CNTN5: variants seen among roughly 807,000 people sequenced by gnomAD.
CNTN5 encodes the protein contactin-5.
CNTN5 carries 77 observed loss-of-function variants against 129.1 expected under a neutral mutation model. The ratio of observed to expected loss-of-function variants is 0.60; its 90% CI spans 0.50 to 0.72. The LOEUF (loss-of-function observed/expected upper bound fraction) is 0.72. CNTN5 is among the 30% of genes least tolerant of loss of function. The pLI, the probability that CNTN5 is intolerant of heterozygous loss-of-function variation, is 0.00. For synonymous variants in CNTN5, 509 were observed against 465.6 expected (o/e 1.09, Z -1.20); for missense variants, 1,478 against 1,328.8 (o/e 1.11, Z -1.75).
At chr11:99,023,746 A>G (rs1215970766) in intron 1 of CNTN5, among the ~76,000 whole-genome samples, 2 of 152,194 alleles carry the variant, frequency 1.3e-5, no homozygotes, top group African/African-American at 2.4e-5. Flanking sequence ...TTGATTACCT[A>G]TTGTCTTTGA....
At chr11:99,389,905 G>T (rs1196749265) in intron 2 of CNTN5, among the ~76,000 whole-genome samples, 3 of 152,150 alleles carry the variant, frequency 2.0e-5, no homozygotes, top group Non-Finnish European at 4.4e-5. Context: ...GAATGTGAAA[G>T]TGTGATTACT....
At chr11:99,393,289 A>T (rs1941357824) in intron 2 of CNTN5, among the ~76,000 whole-genome samples, 1 of 151,916 alleles carries the variant, frequency 6.6e-6, no homozygotes, top group South Asian at 2.1e-4. Flanking sequence ...GAGAAAAAGG[A>T]GTATGTTCAA....
chr11:100,277,672 AT>A (rs925086225), intron 18 of CNTN5, among the ~76,000 whole-genome samples: 5 of 151,020 alleles, frequency 3.3e-5, no homozygotes, highest in African/African-American at 4.9e-5. Context: ...GGTTTTTTTT[AT>A]TTTTTTTCCT....
At chr11:100,265,051 C>T (rs781513513) in intron 17 of CNTN5, among the ~76,000 whole-genome samples, 37 of 151,924 alleles carry the variant, frequency 2.4e-4, no homozygotes, top group Admixed American at 8.5e-4. Context: ...AGTGTTTGCT[C>T]ATATCCTTTG....
intron 13 of CNTN5, among the ~76,000 whole-genome samples, chr11:100,170,163 TTTAACA>T (rs1405066460): frequency 6.6e-6 from 1 of 152,002 alleles, no homozygotes; most frequent in Non-Finnish European, 1.5e-5. Context: ...AATAGCCACT[TTTAACA>T]TTTCTAATTC....
At chr11:99,063,474 A>G (rs1345882388) in intron 1 of CNTN5, among the ~76,000 whole-genome samples, 8 of 151,960 alleles carry the variant, frequency 5.3e-5, no homozygotes, top group Non-Finnish European at 1.0e-4. Flanking sequence ...AAATTGGAAG[A>G]ATACAAGTTT....
chr11:99,332,435 G>A (rs553057326), intron 2 of CNTN5, among the ~76,000 whole-genome samples: 14 of 152,120 alleles, frequency 9.2e-5, no homozygotes, highest in African/African-American at 3.1e-4. Flanking sequence ...TCTGTGCCCC[G>A]ATAATGTCTT....
intron 1 of CNTN5, among the ~76,000 whole-genome samples, chr11:99,086,799 T>C (rs766074593): frequency 1.4e-4 from 21 of 152,194 alleles, no homozygotes; most frequent in Non-Finnish European, 2.1e-4. Flanking sequence ...CTGATACTGG[T>C]CCAGCTAAAT....
At chr11:99,270,247 C>A (rs1032292574) in intron 1 of CNTN5, among the ~76,000 whole-genome samples, 1 of 151,842 alleles carries the variant, frequency 6.6e-6, no homozygotes. Flanking sequence ...AAGTAATTTT[C>A]AAAACCACAA....
chr11:99,619,071 G>GA (rs1161889090), intron 3 of CNTN5, among the ~76,000 whole-genome samples: 3 of 151,656 alleles, frequency 2.0e-5, no homozygotes, highest in Non-Finnish European at 4.4e-5. Flanking sequence ...TCACCAAATG[G>GA]AAAAAAAGGT....
chr11:100,314,984 C>G (rs505427), intron 21 of CNTN5, among the ~76,000 whole-genome samples: 88 of 152,088 alleles, frequency 5.8e-4, no homozygotes, highest in Non-Finnish European at 9.3e-4. Context: ...ACAATAAATA[C>G]AACTGAGTTC....
chr11:100,157,136 A>G (rs1041248963), intron 13 of CNTN5, among the ~76,000 whole-genome samples: 2 of 151,906 alleles, frequency 1.3e-5, no homozygotes, highest in Non-Finnish European at 2.9e-5. Flanking sequence ...TTTTCTTAAT[A>G]TGCAAATTAG....
At chr11:99,348,255 C>T (rs145275698) in intron 2 of CNTN5, among the ~76,000 whole-genome samples, 12,062 of 152,094 alleles carry the variant, frequency 0.079, 670 homozygotes, top group African/African-American at 0.15. Flanking sequence ...AGGAGAATGG[C>T]GTGAACCCAG....
chr11:99,272,182 C>T (rs571400209), intron 1 of CNTN5, among the ~76,000 whole-genome samples: 52 of 151,916 alleles, frequency 3.4e-4, no homozygotes, highest in Admixed American at 2.0e-4. Flanking sequence ...TAACTGGCTG[C>T]GTCACATTTT....
chr11:99,133,030 A>C (rs1485567690), intron 1 of CNTN5, among the ~76,000 whole-genome samples: 1 of 152,188 alleles, frequency 6.6e-6, no homozygotes, highest in Non-Finnish European at 1.5e-5. Context: ...AGTAACCAGA[A>C]CAGCATGGTA....
chr11:99,471,861 T>G (rs1040151150), intron 2 of CNTN5, among the ~76,000 whole-genome samples: 2 of 152,162 alleles, frequency 1.3e-5, no homozygotes, highest in Non-Finnish European at 2.9e-5. Context: ...TCAGAAATTA[T>G]ATCTCTGTTT....
intron 1 of CNTN5, among the ~76,000 whole-genome samples, chr11:99,236,701 A>G (rs1439191497): frequency 1.3e-5 from 2 of 152,192 alleles, no homozygotes; most frequent in Non-Finnish European, 1.5e-5. Context: ...TCTGATAAGC[A>G]TGGAGAGAAT....
At chr11:99,912,535 A>G (rs965562315) in intron 6 of CNTN5, among the ~76,000 whole-genome samples, 9 of 152,038 alleles carry the variant, frequency 5.9e-5, no homozygotes, top group Admixed American at 1.3e-4. Flanking sequence ...AAATAAATTC[A>G]TAAAATGGTT....
intron 3 of CNTN5, among the ~76,000 whole-genome samples, chr11:99,585,843 A>C (rs1249359894): frequency 6.6e-6 from 1 of 152,142 alleles, no homozygotes; most frequent in Non-Finnish European, 1.5e-5. Context: ...GACGATTGCA[A>C]ACCACTGATA....
Sources: gnomAD v4.1 joint callset for allele counts (sites outside exome capture counted in the v4.1 genomes callset) on GRCh38, gnomAD v4.1.1 for gene constraint, MANE v1.5 for transcripts, NCBI Gene and HGNC (gene_info 2026-07-23, HGNC 2026-07-21) for gene names.